Variants in BAHCC1 observed in about 807,000 individuals in gnomAD.
BAHCC1 encodes BAH and coiled-coil domain-containing protein 1.
A neutral mutation model predicts 88.2 loss-of-function variants in BAHCC1; 43 were observed. That is an observed-to-expected ratio of 0.49 (90% CI 0.38 to 0.63). The LOEUF (loss-of-function observed/expected upper bound fraction) is 0.63. Among genes scored for constraint, BAHCC1 ranks in the 20% least tolerant of loss-of-function variants. The pLI, the probability that BAHCC1 is intolerant of heterozygous loss-of-function variation, is 0.00. For missense variants in BAHCC1, 3,023 were observed against 1,654.8 expected (o/e 1.83, Z -14.34); for synonymous variants, 1,510 against 745.5 (o/e 2.03, Z -16.71).
rs868971448 is a variant in BAHCC1 at position 81,447,617 on chromosome 17, G to A, written c.3745G>A (p.Asp1249Asn). The change falls in exon 11 of 28, where the codon GAC becomes AAC. Residue 1249 changes from aspartate to asparagine, a missense_variant. Physicochemically the swap from Asp to Asn is conservative, Grantham distance 23 (BLOSUM62 1). Transcript: ENST00000675386. Reference sequence around the variant, plus strand: ...AGAGGAGGACTGTGGCGGAGCTCCCGACAACAGCCACCCACCCAGGGCGCT... The same window carrying A: ...AGAGGAGGACTGTGGCGGAGCTCCCAACAACAGCCACCCACCCAGGGCGCT... Reference protein sequence around the residue: ...DSEEDCGGAPDNSHPPRALPG... With the variant: ...DSEEDCGGAPNNSHPPRALPG... The A allele has an allele frequency of 4.4e-5, 33 of 745,026 alleles. No homozygotes were observed. The highest frequency in any genetic ancestry group is 7.2e-5 in the Non-Finnish European group (29 of 401,250). 46.2% of individuals were successfully genotyped at this position (745,026 alleles called of 1,614,324 possible).
intron 11 of BAHCC1, 48 bp from the exon 12 acceptor site, chr17:81,451,620 G>T (rs782732873): frequency 5.4e-6 from 4 of 739,680 alleles, no homozygotes; most frequent in East Asian, 2.5e-5. Context: ...CCTGTGAGGG[G>T]CAGTGTGTGC....
intron 11 of BAHCC1, chr17:81,451,155 C>T: frequency 6.4e-6 from 1 of 155,748 alleles, no homozygotes; most frequent in Middle Eastern, 5.2e-4. Context: ...TTGGTTGAAG[C>T]CACGTAGACA....
chr17:81,397,756 T>TGTTAGACCCGG (rs1478693114), intron 1 of BAHCC1, among the ~76,000 whole-genome samples: 2 of 152,186 alleles, frequency 1.3e-5, no homozygotes, highest in African/African-American at 4.8e-5. Flanking sequence ...CCGAGCTATT[T>TGTTAGACCCGG]GTTAGACCCG....
chr17:81,455,568 C>T (rs529741829), intron 15 of BAHCC1, among the ~76,000 whole-genome samples, 178 bp downstream of exon 15: 146 of 152,330 alleles, frequency 9.6e-4, no homozygotes, highest in African/African-American at 3.3e-3. Flanking sequence ...TGCGGTGTAA[C>T]ACAGGAAGGT....
intron 10 of BAHCC1, among the ~76,000 whole-genome samples, chr17:81,446,225 TCA>T (rs2064524211): frequency 6.6e-6 from 1 of 152,136 alleles, no homozygotes; most frequent in Non-Finnish European, 1.5e-5. Context: ...CGTCCTAGTT[TCA>T]CAGTCAGGAG....
Position 81,460,535 on chromosome 17 carries a change from G to C in BAHCC1, c.6031G>C (p.Glu2011Gln). The C allele has an allele frequency of 1.3e-6, 1 of 750,146 alleles. No homozygotes were observed. The highest frequency in any genetic ancestry group is 2.5e-6 in the Non-Finnish European group (1 of 403,644). 46.5% of individuals were successfully genotyped at this position (750,146 alleles called of 1,614,324 possible). The change falls in exon 25 of 28, where the codon GAG (glutamate) becomes CAG (glutamine). Residue 2011 changes from glutamate to glutamine, a missense_variant. Coordinates refer to ENST00000675386, the MANE Select transcript of BAHCC1 (RefSeq NM_001377448.1). ...TTGGCCCATGCTATCCACAGGCACA[G>C]AGCCCTCTCCAGCCCTGCTAGTGTC... ...LPPDFKIQCT[E>Q]PSPALLVSSS...
chr17:81,414,562 C>A (rs1235560000), intron 2 of BAHCC1, among the ~76,000 whole-genome samples: 1 of 152,222 alleles, frequency 6.6e-6, no homozygotes, highest in Non-Finnish European at 1.5e-5. Flanking sequence ...TCGCCCGCTC[C>A]CCTGCAGAGT....
chr17:81,454,443 C>T (rs2064705816), intron 14 of BAHCC1, among the ~76,000 whole-genome samples: 1 of 152,200 alleles, frequency 6.6e-6, no homozygotes, highest in African/African-American at 2.4e-5. Context: ...ATCCTTAAGA[C>T]CCGCGTGGAG....
Position 81,461,039 on chromosome 17 carries a change from A to G in BAHCC1, c.6376A>G (p.Asn2126Asp), listed in dbSNP as rs1329546495. 1.3e-6 allele frequency: 1 copy of G among 772,650 alleles called. No homozygotes were observed. Among genetic ancestry groups the G allele is most frequent in the Non-Finnish European group, 2.4e-6 (1 of 417,066 alleles). The allele number at this position is 772,650 out of a possible 1,614,324, so 47.9% of individuals were successfully genotyped here. The stretch of plus-strand genomic sequence containing the variant: ...GGTGCTGCAGAACCTCTTCCAGCTC[A>G]ACGGCAGCAGCAAGAAGCTGCGGGC... ...PGVLQNLFQLNGSSKKLRARE... is the reference protein window; with the variant it reads ...PGVLQNLFQLDGSSKKLRARE... The change falls in exon 26 of 28, where the codon AAC becomes GAC. Residue 2126 changes from asparagine (N) to aspartate (D), a missense_variant. Coordinates refer to ENST00000675386, the MANE Select transcript of BAHCC1 (RefSeq NM_001377448.1).
At chr17:81,414,102 A>G (rs1299159602) in intron 2 of BAHCC1, among the ~76,000 whole-genome samples, 2 of 151,974 alleles carry the variant, frequency 1.3e-5, no homozygotes, top group Non-Finnish European at 2.9e-5. Flanking sequence ...CTGAGCCCTG[A>G]CCCGTGCCAA....
chr17:81,418,186 G>A (rs140133496), intron 2 of BAHCC1, among the ~76,000 whole-genome samples: 1 of 152,364 alleles, frequency 6.6e-6, no homozygotes, highest in African/African-American at 2.4e-5. Context: ...TCTGGTGGCA[G>A]CAGGTGTGCA....
rs782148985 is a variant in BAHCC1 at position 81,459,143 on chromosome 17, G to A, written c.5695G>A (p.Val1899Ile). ...KEDSLLYAGS[V>I]RTLQPPDIYS... Reference sequence around the variant, plus strand: ...GGATAGCCTGCTGTACGCGGGCAGCGTCAGGACCCTGCAGCCACCCGACAT... The same window carrying A: ...GGATAGCCTGCTGTACGCGGGCAGCATCAGGACCCTGCAGCCACCCGACAT... The change falls in exon 21 of 28, where the codon GTC (valine) becomes ATC (isoleucine). Residue 1899 changes from valine (V) to isoleucine (I), a missense_variant. By Grantham distance (29) the Val-to-Ile change is conservative. Transcript: ENST00000675386. The A allele has an allele frequency of 1.3e-5, 10 of 770,480 alleles. No homozygotes were observed. Among genetic ancestry groups the A allele is most frequent in the East Asian group, 9.8e-5 (4 of 40,728 alleles). 47.7% of individuals were successfully genotyped at this position (770,480 alleles called of 1,614,324 possible).
intron 2 of BAHCC1, among the ~76,000 whole-genome samples, chr17:81,403,575 A>G (rs563951233): frequency 1.3e-5 from 2 of 152,178 alleles, no homozygotes; most frequent in Non-Finnish European, 2.9e-5. Flanking sequence ...TCCTAGTGTG[A>G]AAAGACCCCA....
At chr17:81,444,880 G>A in intron 8 of BAHCC1, 54 bp downstream of exon 8, 1 of 725,130 alleles carries the variant, frequency 1.4e-6, no homozygotes, top group Non-Finnish European at 2.5e-6. Flanking sequence ...TGGAAGGAGG[G>A]GCAGCCGGGG....
chr17:81,419,853 G>C (rs1340795394), intron 2 of BAHCC1, among the ~76,000 whole-genome samples: 10 of 149,260 alleles, frequency 6.7e-5, no homozygotes, highest in Admixed American at 2.7e-4. Context: ...ATGCTGTCTC[G>C]GCGGCTCACT....
intron 3 of BAHCC1, among the ~76,000 whole-genome samples, chr17:81,432,136 C>T (rs1208198261): frequency 6.6e-6 from 1 of 152,188 alleles, no homozygotes; most frequent in Admixed American, 6.5e-5. Context: ...ACACAAAGAG[C>T]AACTTCCCTC....
At position 81,461,023 on chromosome 17, in the gene BAHCC1, G is replaced by C; in HGVS notation, c.6360G>C (p.Gln2120His). The C allele has an allele frequency of 2.6e-6, 2 of 773,352 alleles. No homozygotes were observed. The allele number at this position is 773,352 out of a possible 1,614,324, so 47.9% of individuals were successfully genotyped here. Residue 2120 changes from glutamine (Q) to histidine (H), a missense_variant, in exon 26 of 28, where the codon CAG (glutamine) becomes CAC (histidine). Coordinates refer to ENST00000675386, the MANE Select transcript of BAHCC1 (RefSeq NM_001377448.1). Reference sequence around the variant, plus strand: ...CCAGCAAGGGGCCGGGGGTGCTGCAGAACCTCTTCCAGCTCAACGGCAGCA... The same window carrying C: ...CCAGCAAGGGGCCGGGGGTGCTGCACAACCTCTTCCAGCTCAACGGCAGCA... ...AAASKGPGVL[Q>H]NLFQLNGSSK...
intron 11 of BAHCC1, 83 bp downstream of exon 11, chr17:81,447,931 C>G: frequency 1.4e-6 from 1 of 691,162 alleles, no homozygotes; most frequent in Non-Finnish European, 2.7e-6. Context: ...GGCCAGACGG[C>G]AGCCTTGGGC....
Position 81,461,005 on chromosome 17 carries a change from G to A in BAHCC1, c.6342G>A (p.Lys2114=), listed in dbSNP as rs782173101. ...GGAAGGCGGTGGCAGCGGCCAGCAA[G>A]GGGCCGGGGGTGCTGCAGAACCTCT... ...TKRKAVAAAS[K]GPGVLQNLFQ... is the part of the protein sequence containing the mutation. The change falls in exon 26 of 28, where the codon AAG becomes AAA. Residue 2114 remains lysine (K), a synonymous_variant. Coordinates refer to ENST00000675386, the MANE Select transcript of BAHCC1 (RefSeq NM_001377448.1). The A allele has an allele frequency of 6.5e-6, 5 of 773,096 alleles. No homozygotes were observed. Among genetic ancestry groups the A allele is most frequent in the African/African-American group, 5.1e-5 (3 of 59,106 alleles). The allele number at this position is 773,096 out of a possible 1,614,324, so 47.9% of individuals were successfully genotyped here.
Sources: gnomAD v4.1 joint callset for allele counts (sites outside exome capture counted in the v4.1 genomes callset) on GRCh38, gnomAD v4.1.1 for gene constraint, MANE v1.5 for transcripts, NCBI Gene and HGNC (gene_info 2026-07-23, HGNC 2026-07-21) for gene names.